The following IL15 variants were observed in gnomAD, a reference collection of about 807,000 sequenced individuals.
IL15 encodes interleukin-15.
A neutral mutation model predicts 19.6 loss-of-function variants in IL15; 11 were observed. The ratio of observed to expected loss-of-function variants is 0.56; its 90% CI spans 0.35 to 0.93. IL15 has a LOEUF of 0.93. IL15 is among the 40% of genes least tolerant of loss of function. The pLI is 0.01. For synonymous variants in IL15, 58 were observed against 59.6 expected (o/e 0.97, Z 0.12); for missense variants, 197 against 186.5 (o/e 1.06, Z -0.33).
In IL15 at chr4:141,729,925, A is replaced by G. The variant is rs748839798; in HGVS notation, c.319A>G (p.Ile107Val). 1.3e-6 allele frequency: 2 copies of G among 1,595,098 alleles called. No individual in the cohort carries two copies. Among genetic ancestry groups the G allele is most frequent in the Non-Finnish European group, 1.7e-6 (2 of 1,162,892 alleles). ...TTCACTTGAGTCCGGAGATGCAAGTATTCATGATACAGTAGAAAATCTGAT... is the reference window on the plus strand; with the variant it reads ...TTCACTTGAGTCCGGAGATGCAAGTGTTCATGATACAGTAGAAAATCTGAT... ...VISLESGDAS[I>V]HDTVENLIIL... is the part of the protein sequence containing the mutation. The change falls in exon 7 of 8, where the codon ATT becomes GTT. Residue 107 changes from isoleucine to valine, a missense_variant. By Grantham distance (29) the Ile-to-Val change is conservative (BLOSUM62 3). Coordinates refer to ENST00000320650, the MANE Select transcript of IL15 (RefSeq NM_000585.5).
At chr4:141,727,907 T>C in intron 5 of IL15, 33 bp from the exon 6 acceptor site, 2 of 903,170 alleles carry the variant, frequency 2.2e-6, no homozygotes, top group Middle Eastern at 2.5e-4. Context: ...CAGGGCATAG[T>C]TTTTAATATT....
intron 2 of IL15, among the ~76,000 whole-genome samples, chr4:141,680,593 G>C (rs1728501876): frequency 6.6e-6 from 1 of 152,100 alleles, no homozygotes; most frequent in African/African-American, 2.4e-5. Flanking sequence ...CTCAGAACCT[G>C]GGTGTTAGTT....
intron 6 of IL15, among the ~76,000 whole-genome samples, chr4:141,728,595 C>T (rs1431642304): frequency 6.6e-6 from 1 of 152,076 alleles, no homozygotes; most frequent in Non-Finnish European, 1.5e-5. Flanking sequence ...AGTATTGTTA[C>T]TAAAACCAAG....
chr4:141,637,976 A>G (rs1460503996), intron 1 of IL15, among the ~76,000 whole-genome samples: 1 of 152,182 alleles, frequency 6.6e-6, no homozygotes, highest in African/African-American at 2.4e-5. Flanking sequence ...AAGATACAAT[A>G]CACTTTTGGA....
At chr4:141,700,576 T>G (rs1308285916) in intron 2 of IL15, among the ~76,000 whole-genome samples, 1 of 152,242 alleles carries the variant, frequency 6.6e-6, no homozygotes, top group East Asian at 1.9e-4. Context: ...GTCTTGACTT[T>G]AGATAGCTTG....
At chr4:141,654,324 T>C (rs1178799366) in intron 1 of IL15, among the ~76,000 whole-genome samples, 6 of 152,196 alleles carry the variant, frequency 3.9e-5, no homozygotes, top group Non-Finnish European at 7.3e-5. Flanking sequence ...GGGAGAGCTT[T>C]CTTCCATTGA....
chr4:141,676,242 G>C (rs1385046406), intron 2 of IL15, among the ~76,000 whole-genome samples: 1 of 152,174 alleles, frequency 6.6e-6, no homozygotes, highest in Non-Finnish European at 1.5e-5. Context: ...CATCTATAAA[G>C]CTGCTAATCT....
intron 2 of IL15, among the ~76,000 whole-genome samples, chr4:141,688,185 C>T (rs1336968126): frequency 6.6e-6 from 1 of 152,158 alleles, no homozygotes; most frequent in Non-Finnish European, 1.5e-5. Context: ...TGCCTAGTGA[C>T]AGAATAGTGA....
intron 1 of IL15, among the ~76,000 whole-genome samples, chr4:141,654,241 C>G (rs940372368): frequency 2.0e-5 from 3 of 152,150 alleles, no homozygotes; most frequent in African/African-American, 7.2e-5. Flanking sequence ...CAGGATGGCC[C>G]TTTGGGGATG....
intron 2 of IL15, among the ~76,000 whole-genome samples, chr4:141,684,960 T>G (rs545570857): frequency 8.5e-5 from 13 of 152,158 alleles, no homozygotes; most frequent in Non-Finnish European, 1.6e-4. Context: ...TATGTCTTTT[T>G]TTTTTTTCTT....
At chr4:141,686,109 A>G (rs1728702553) in intron 2 of IL15, among the ~76,000 whole-genome samples, 1 of 152,058 alleles carries the variant, frequency 6.6e-6, no homozygotes, top group Non-Finnish European at 1.5e-5. Flanking sequence ...AGCCTGGCCA[A>G]CATGGCGAAA....
At chr4:141,719,327 A>C in intron 2 of IL15, 39 bp from the exon 3 acceptor site, 91 of 547,552 alleles carry the variant, frequency 1.7e-4, no homozygotes, top group Middle Eastern at 2.8e-4. Context: ...TTTTCTTACT[A>C]GTGCACTTGT....
intron 2 of IL15, among the ~76,000 whole-genome samples, chr4:141,672,907 C>A (rs1326852950): frequency 6.6e-6 from 1 of 152,140 alleles, no homozygotes; most frequent in Non-Finnish European, 1.5e-5. Context: ...ACCTGTAAGT[C>A]CCAGTTTCCA....
chr4:141,641,438 A>G (rs143377223), intron 1 of IL15, among the ~76,000 whole-genome samples: 4,707 of 152,202 alleles, frequency 0.031, 106 homozygotes, highest in African/African-American at 0.062. Flanking sequence ...CTTGGAACCA[A>G]CCCAAATGTC....
chr4:141,644,000 AATCT>A (rs566803616), intron 1 of IL15, among the ~76,000 whole-genome samples: 34 of 151,840 alleles, frequency 2.2e-4, no homozygotes, highest in Non-Finnish European at 3.2e-4. Flanking sequence ...ATAATCAATC[AATCT>A]ATCTTGGGTT....
At chr4:141,677,650 C>CA (rs1448677161) in intron 2 of IL15, among the ~76,000 whole-genome samples, 1 of 152,204 alleles carries the variant, frequency 6.6e-6, no homozygotes, top group African/African-American at 2.4e-5. Flanking sequence ...TGCTCCTTCT[C>CA]ATGTGGCTCA....
intron 2 of IL15, among the ~76,000 whole-genome samples, chr4:141,706,691 T>C (rs1446599822): frequency 6.6e-6 from 1 of 151,748 alleles, no homozygotes; most frequent in Non-Finnish European, 1.5e-5. Flanking sequence ...TTGCTGAATA[T>C]AGTGTTCTTG....
chr4:141,686,489 G>A (rs969778240), intron 2 of IL15, among the ~76,000 whole-genome samples: 5 of 152,136 alleles, frequency 3.3e-5, no homozygotes, highest in Non-Finnish European at 5.9e-5. Flanking sequence ...TCCTGACACT[G>A]CCTACTCCTC....
At chr4:141,670,120 A>T (rs1408324471) in intron 2 of IL15, among the ~76,000 whole-genome samples, 1 of 151,708 alleles carries the variant, frequency 6.6e-6, no homozygotes, top group African/African-American at 2.4e-5. Flanking sequence ...AATTAATAAA[A>T]TTTTTCAAAT....
Sources: gnomAD v4.1 joint callset for allele counts (sites outside exome capture counted in the v4.1 genomes callset) on GRCh38, gnomAD v4.1.1 for gene constraint, MANE v1.5 for transcripts, NCBI Gene and HGNC (gene_info 2026-07-23, HGNC 2026-07-21) for gene names.